Variants in CNTN4 observed in about 807,000 individuals in gnomAD.
CNTN4 encodes the protein contactin-4.
A neutral mutation model predicts 122.5 loss-of-function variants in CNTN4; 77 were observed. That is an observed-to-expected ratio of 0.63 (90% CI 0.52 to 0.76). The LOEUF is 0.76. Among genes scored for constraint, CNTN4 ranks in the 30% least tolerant of loss-of-function variants. The pLI, the probability that CNTN4 is intolerant of heterozygous loss-of-function variation, is 0.00. For synonymous variants in CNTN4, 512 were observed against 447.0 expected, an observed-to-expected ratio of 1.15 and a Z score of -1.83; for missense variants, 1,256 against 1,259.1, an observed-to-expected ratio of 1.00 and a Z score of 0.04.
chr3:2,786,952 T>G (rs924630206), intron 6 of CNTN4, among the ~76,000 whole-genome samples: 24 of 152,202 alleles, frequency 1.6e-4, no homozygotes, highest in African/African-American at 5.8e-4. Flanking sequence ...GGTTCTATTT[T>G]TTATTTGAAC....
intron 12 of CNTN4, among the ~76,000 whole-genome samples, chr3:2,920,034 A>C (rs556303513): frequency 1.7e-4 from 26 of 152,220 alleles, no homozygotes; most frequent in Admixed American, 1.4e-3. Context: ...GAAAGATGAG[A>C]GATCTTGAAA....
chr3:2,253,743 T>G (rs2040466501), intron 2 of CNTN4, among the ~76,000 whole-genome samples: 1 of 151,866 alleles, frequency 6.6e-6, no homozygotes, highest in Admixed American at 6.6e-5. Context: ...CTGGACTCGA[T>G]CTATCCTCCC....
At chr3:2,874,564 T>C (rs1156821539) in intron 8 of CNTN4, among the ~76,000 whole-genome samples, 3 of 152,200 alleles carry the variant, frequency 2.0e-5, no homozygotes, top group Admixed American at 6.5e-5. Context: ...GATTATAGCC[T>C]GGCTGAGAAG....
intron 4 of CNTN4, among the ~76,000 whole-genome samples, chr3:2,611,297 C>CAAAAAATAAA (rs2081473680): frequency 3.2e-5 from 2 of 62,388 alleles, no homozygotes. Context: ...CACCTGGAAC[C>CAAAAAATAAA]AAAAAAAAAA....
intron 4 of CNTN4, among the ~76,000 whole-genome samples, chr3:2,615,300 A>T (rs1343501206): frequency 1.3e-5 from 2 of 152,188 alleles, no homozygotes; most frequent in Non-Finnish European, 2.9e-5. Context: ...TTAACAAGCA[A>T]CCAGTCAGCA....
At chr3:2,816,279 A>G (rs576624071) in intron 6 of CNTN4, among the ~76,000 whole-genome samples, 4,845 of 139,112 alleles carry the variant, frequency 0.035, 638 homozygotes, top group African/African-American at 0.15. Context: ...GCGTGAACCC[A>G]GGAGGCAGAG....
At chr3:2,109,292 A>G (rs1304277886) in intron 2 of CNTN4, among the ~76,000 whole-genome samples, 1 of 152,088 alleles carries the variant, frequency 6.6e-6, no homozygotes, top group African/African-American at 2.4e-5. Context: ...CAAAATGCAA[A>G]TATTTTGTCT....
chr3:3,024,946 T>C (rs1698604518), intron 14 of CNTN4, among the ~76,000 whole-genome samples: 1 of 152,184 alleles, frequency 6.6e-6, no homozygotes, highest in Admixed American at 6.5e-5. Context: ...TCTTTTATTA[T>C]TTGGTTTGGT....
intron 4 of CNTN4, among the ~76,000 whole-genome samples, chr3:2,705,177 G>A (rs1559407402): frequency 1.3e-5 from 2 of 151,036 alleles, no homozygotes; most frequent in Non-Finnish European, 2.9e-5. Flanking sequence ...GACCATCCTG[G>A]CTAACATGGT....
chr3:2,170,299 G>C lies in CNTN4; in HGVS notation c.-145+69660G>C, dbSNP rs546169501. ...CGCGCCACCGCACTCCAGCCTGGGC[G>C]ACACACCAAGACTCCGTCTCAAAAC... On this transcript the variant is annotated intron_variant, in intron 2 of 24. Coordinates refer to ENST00000418658, the MANE Select transcript of CNTN4 (RefSeq NM_175607.3). Among the ~76,000 whole-genome samples the C allele has an allele frequency of 4.0e-5, 6 of 151,852 alleles. No individual in the cohort carries two copies. The East Asian group carries it at 9.6e-4, about 24-fold the overall frequency.
chr3:2,917,334 A>AGAGGAAGAGGGAGACAGAGACGG (rs1160371982), intron 12 of CNTN4, among the ~76,000 whole-genome samples: 1 of 151,630 alleles, frequency 6.6e-6, no homozygotes, highest in African/African-American at 2.4e-5. Context: ...TGGAAAGCGG[A>AGAGGAAGAGGGAGACAGAGACGG]ATAGGGAGAG....
At chr3:2,160,743 A>T (rs1334517573) in intron 2 of CNTN4, among the ~76,000 whole-genome samples, 1 of 152,124 alleles carries the variant, frequency 6.6e-6, no homozygotes, top group African/African-American at 2.4e-5. Flanking sequence ...TCATTTGTTG[A>T]CTGTTTCTCA....
intron 13 of CNTN4, among the ~76,000 whole-genome samples, chr3:2,946,532 G>C (rs1302753243): frequency 6.6e-6 from 1 of 151,988 alleles, no homozygotes; most frequent in Non-Finnish European, 1.5e-5. Flanking sequence ...TCCAACCAAG[G>C]GTTCACTGAA....
At chr3:3,000,880 C>CTTTTTTTTTTTTTT (rs59337830) in intron 14 of CNTN4, among the ~76,000 whole-genome samples, 1 of 131,500 alleles carries the variant, frequency 7.6e-6, no homozygotes, top group African/African-American at 2.7e-5. Flanking sequence ...TTCTTTCTTT[C>CTTTTTTTTTTTTTT]TTTTTTTTTT....
At chr3:2,154,437 T>C (rs1243292989) in intron 2 of CNTN4, among the ~76,000 whole-genome samples, 1 of 152,170 alleles carries the variant, frequency 6.6e-6, no homozygotes, top group Non-Finnish European at 1.5e-5. Context: ...AATTATATTT[T>C]GTTCCATCCT....
At chr3:2,223,245 G>A (rs78382686) in intron 2 of CNTN4, among the ~76,000 whole-genome samples, 1,602 of 152,220 alleles carry the variant, frequency 0.011, 18 homozygotes, top group Middle Eastern at 0.027. Flanking sequence ...ACACTGTTCC[G>A]TCCAGTTGCC....
chr3:2,455,292 G>C (rs2048958619), intron 3 of CNTN4, among the ~76,000 whole-genome samples: 1 of 152,170 alleles, frequency 6.6e-6, no homozygotes, highest in Non-Finnish European at 1.5e-5. Flanking sequence ...TCTTCATTTG[G>C]GGTTATTGAT....
chr3:2,687,613 GCACTC>G (rs1240227577), intron 4 of CNTN4, among the ~76,000 whole-genome samples: 2 of 152,144 alleles, frequency 1.3e-5, no homozygotes, highest in African/African-American at 4.8e-5. Flanking sequence ...TTGCACTACT[GCACTC>G]CACTCCGAAC....
In CNTN4 at chr3:2,976,171, AC is replaced by A. The variant is rs1361701843; in HGVS notation, c.1359-12173del. On this transcript the variant is annotated intron_variant, in intron 13 of 24. Coordinates refer to ENST00000418658, the MANE Select transcript of CNTN4 (RefSeq NM_175607.3). The stretch of plus-strand genomic sequence containing the variant: ...AAAGCATTTCTCATGTTCATCATGC[AC>A]TGTGTCACGAAGAACAATTAAAATT... 7.2e-5 allele frequency among the ~76,000 whole-genome samples: 11 copies of A among 152,352 alleles called. No homozygotes were observed. In the South Asian group the frequency reaches 2.1e-3, roughly 29 times the overall value.
Sources: allele counts gnomAD v4.1 joint callset (sites outside exome capture counted in the v4.1 genomes callset), GRCh38; gene constraint gnomAD v4.1.1; transcripts MANE v1.5; gene names NCBI Gene and HGNC (gene_info 2026-07-23, HGNC 2026-07-21).